AFF1: variants seen among roughly 807,000 people sequenced by gnomAD.
The protein encoded by AFF1 is ALF transcription elongation factor 1, also known as AF4/FMR2 family member 1.
AFF1 carries 48 observed loss-of-function variants against 121.7 expected under a neutral mutation model. That is an observed-to-expected ratio of 0.39 (90% CI 0.31 to 0.50). The LOEUF (loss-of-function observed/expected upper bound fraction) is 0.50, where lower values mean the gene tolerates loss of function less well. Among genes scored for constraint, AFF1 ranks in the 20% least tolerant of loss-of-function variants. The pLI is 0.76. For missense variants in AFF1, 1,523 were observed against 1,511.7 expected (o/e 1.01, Z -0.12); for synonymous variants, 613 against 563.0 (o/e 1.09, Z -1.26).
chr4:87,093,896 C>T (rs914622879), intron 7 of AFF1, among the ~76,000 whole-genome samples: 1 of 152,192 alleles, frequency 6.6e-6, no homozygotes, highest in South Asian at 2.1e-4. Flanking sequence ...TGCCTCCACA[C>T]GTAACATTTC....
At chr4:87,035,718 C>T (rs934060192) in intron 2 of AFF1, among the ~76,000 whole-genome samples, 16 of 152,110 alleles carry the variant, frequency 1.1e-4, no homozygotes, top group African/African-American at 3.1e-4. Flanking sequence ...AGGAGCCTCT[C>T]GGGGCCACAT....
intron 2 of AFF1, among the ~76,000 whole-genome samples, chr4:86,975,098 C>G (rs896205054): frequency 2.0e-5 from 3 of 152,128 alleles, no homozygotes; most frequent in Non-Finnish European, 4.4e-5. Flanking sequence ...TCCTACTTCT[C>G]TCTTGTGCAC....
chr4:87,045,539 C>T (rs1001231949), intron 2 of AFF1, among the ~76,000 whole-genome samples: 2 of 151,706 alleles, frequency 1.3e-5, no homozygotes, highest in African/African-American at 2.4e-5. Context: ...AAGCGTTCTC[C>T]GTCGGTAGAG....
intron 2 of AFF1, among the ~76,000 whole-genome samples, chr4:87,025,855 A>G (rs1728480541): frequency 6.6e-6 from 1 of 152,114 alleles, no homozygotes; most frequent in Non-Finnish European, 1.5e-5. Context: ...CAGACCCTAA[A>G]TCATGCTGGC....
chr4:87,033,516 G>A (rs2149587225), intron 2 of AFF1, among the ~76,000 whole-genome samples: 2 of 152,274 alleles, frequency 1.3e-5, no homozygotes, highest in East Asian at 3.9e-4. Flanking sequence ...ATTCAGTTTG[G>A]TGTATGTTTG....
chr4:87,019,092 T>C (rs1727630277), intron 2 of AFF1, among the ~76,000 whole-genome samples: 1 of 152,152 alleles, frequency 6.6e-6, no homozygotes, highest in South Asian at 2.1e-4. Context: ...CAAAAATAGA[T>C]CTTGAAGAGA....
intron 4 of AFF1, among the ~76,000 whole-genome samples, chr4:87,081,698 G>A (rs774829324): frequency 3.9e-5 from 6 of 152,144 alleles, no homozygotes; most frequent in African/African-American, 4.8e-5. Flanking sequence ...TGAAATCACT[G>A]TTCCCCTTTG....
rs1403482148 is a variant in AFF1, at chr4:86,996,100, T to TG, written c.38+47536dup. 1.1e-3 allele frequency among the ~76,000 whole-genome samples: 159 copies of TG among 147,692 alleles called. 1 individual carries two copies. Among genetic ancestry groups the TG allele is most frequent in the African/African-American group, 3.2e-3 (128 of 39,456 alleles). ...GCAGCCACCTCGTCTGGGAGGGAGG[T>TG]GGGGGGGTCAGGCCCCCGCCCGGCC... On this transcript the variant is annotated intron_variant, in intron 2 of 20. Transcript: ENST00000395146.
chr4:86,953,575 T>C (rs1721528469), intron 2 of AFF1, among the ~76,000 whole-genome samples: 1 of 152,214 alleles, frequency 6.6e-6, no homozygotes, highest in Non-Finnish European at 1.5e-5. Context: ...TATCGGCACT[T>C]GACACTGTTG....
chr4:87,025,995 C>G (rs999860508), intron 2 of AFF1, among the ~76,000 whole-genome samples: 7 of 150,818 alleles, frequency 4.6e-5, no homozygotes, highest in African/African-American at 1.7e-4. Flanking sequence ...ATGATTTACC[C>G]AAAGAACCAC....
chr4:86,962,145 C>CTTT (rs3035474), intron 2 of AFF1, among the ~76,000 whole-genome samples: 1 of 122,576 alleles, frequency 8.2e-6, no homozygotes, highest in African/African-American at 3.0e-5. Context: ...GTTATTGTTT[C>CTTT]TTTTTTTTTT....
At chr4:86,969,874 C>T (rs571846312) in intron 2 of AFF1, among the ~76,000 whole-genome samples, 376 of 16,862 alleles carry the variant, frequency 0.022, 2 homozygotes, top group Non-Finnish European at 0.049. Context: ...AGCGAGACTC[C>T]GTCTCAAAAA....
At chr4:86,938,055 CTG>C (rs1479623680) in intron 1 of AFF1, among the ~76,000 whole-genome samples, 2 of 152,264 alleles carry the variant, frequency 1.3e-5, no homozygotes, top group Non-Finnish European at 1.5e-5. Flanking sequence ...ATGTTCAACT[CTG>C]TAATTTGTGG....
At chr4:87,129,394 A>G (rs375543610) in intron 16 of AFF1, among the ~76,000 whole-genome samples, 3 of 152,236 alleles carry the variant, frequency 2.0e-5, no homozygotes, top group South Asian at 4.1e-4. Context: ...AATCACAGAA[A>G]TATGGACGTT....
In AFF1 at chr4:87,039,255, C is replaced by T. The variant is rs375020554; in HGVS notation, c.39-6911C>T. Among the ~76,000 whole-genome samples the T allele has an allele frequency of 3.3e-5, 5 of 152,182 alleles. No individual in the cohort carries two copies. The East Asian group carries it at 7.7e-4, about 23-fold the overall frequency. ...ATCCTTACAGAGTTGTGATTTCTTA[C>T]ATTTTACCACAATATTTTAAACACA... On this transcript the variant is annotated intron_variant, in intron 2 of 20. Transcript: ENST00000395146.
intron 2 of AFF1, among the ~76,000 whole-genome samples, chr4:86,961,071 A>G (rs896341700): frequency 2.6e-5 from 4 of 152,206 alleles, no homozygotes; most frequent in Non-Finnish European, 5.9e-5. Flanking sequence ...TTCCAACTAC[A>G]GATGAGAGTA....
intron 2 of AFF1, among the ~76,000 whole-genome samples, chr4:86,959,314 T>C (rs373221785): frequency 3.3e-5 from 5 of 149,614 alleles, no homozygotes; most frequent in African/African-American, 1.2e-4. Context: ...TGAAAATTTA[T>C]ATGTGAGCTC....
In AFF1 at chr4:86,966,049, G is replaced by C. The variant is rs1364988082; in HGVS notation, c.38+17478G>C. ...CCCCTCTTCCCCAGGGTGGTAGTTAGTTTCTTTTTTCTTTCCTTTTTTTTT... is the reference window on the plus strand; with the variant it reads ...CCCCTCTTCCCCAGGGTGGTAGTTACTTTCTTTTTTCTTTCCTTTTTTTTT... On this transcript the variant is annotated intron_variant, in intron 2 of 20. Transcript: ENST00000395146. Among the ~76,000 whole-genome samples the C allele has an allele frequency of 2.0e-5, 3 of 150,018 alleles. No homozygotes were observed. The East Asian group carries it at 5.8e-4, about 29-fold the overall frequency.
chr4:87,127,570 CT>C (rs1421549676), intron 15 of AFF1, 72 bp from the exon 16 acceptor site: 8 of 1,424,290 alleles, frequency 5.6e-6, no homozygotes, highest in Non-Finnish European at 5.9e-6. Context: ...CTTTTTCACT[CT>C]TGGTCTTATC....
Sources: gnomAD v4.1 joint callset for allele counts (sites outside exome capture counted in the v4.1 genomes callset) on GRCh38, gnomAD v4.1.1 for gene constraint, MANE v1.5 for transcripts, NCBI Gene and HGNC (gene_info 2026-07-23, HGNC 2026-07-21) for gene names.